SBF2: variants seen among roughly 807,000 people sequenced by gnomAD.
SBF2 encodes the protein myotubularin-related protein 13.
SBF2 carries 112 observed loss-of-function variants against 225.2 expected under a neutral mutation model. The ratio of observed to expected loss-of-function variants is 0.50; its 90% confidence interval spans 0.43 to 0.58. The LOEUF is 0.58. SBF2 is among the 20% of genes least tolerant of loss of function. The pLI, the probability that SBF2 is intolerant of heterozygous loss-of-function variation, is 0.00. For missense variants in SBF2, 1,996 were observed against 2,206.2 expected (o/e 0.90, Z 1.91); for synonymous variants, 763 against 773.3 (o/e 0.99, Z 0.22).
chr11:10,080,845 A>G (rs1453308524), intron 2 of SBF2, among the ~76,000 whole-genome samples: 1 of 152,184 alleles, frequency 6.6e-6, no homozygotes, highest in African/African-American at 2.4e-5. Flanking sequence ...ACTTTACATC[A>G]ACAGTAGTAA....
At chr11:10,159,023 C>CCAGT (rs1327716947) in intron 2 of SBF2, among the ~76,000 whole-genome samples, 3 of 151,060 alleles carry the variant, frequency 2.0e-5, no homozygotes, top group Non-Finnish European at 4.4e-5. Context: ...GTCAAGTCCA[C>CCAGT]CAGTAACATC....
At chr11:9,834,169 T>C (rs1399867861) in intron 26 of SBF2, among the ~76,000 whole-genome samples, 9 of 149,458 alleles carry the variant, frequency 6.0e-5, no homozygotes, top group Non-Finnish European at 1.2e-4. Flanking sequence ...CTTGGCTCAC[T>C]GCAACCTTCG....
intron 14 of SBF2, among the ~76,000 whole-genome samples, chr11:9,967,975 A>C (rs77832314): frequency 0.084 from 7,174 of 85,146 alleles, 241 homozygotes; most frequent in Middle Eastern, 0.14. Flanking sequence ...CTCTCTCTAT[A>C]TATATATATA....
At chr11:10,194,843 A>T (rs1957303391) in intron 1 of SBF2, among the ~76,000 whole-genome samples, 1 of 151,464 alleles carries the variant, frequency 6.6e-6, no homozygotes, top group Non-Finnish European at 1.5e-5. Flanking sequence ...TACGTATGAA[A>T]AGCTAAAAAA....
chr11:10,217,793 C>T (rs1008795027), intron 1 of SBF2, among the ~76,000 whole-genome samples: 6 of 152,044 alleles, frequency 3.9e-5, no homozygotes, highest in Non-Finnish European at 4.4e-5. Context: ...AAAACATGAC[C>T]GAGACTGGTT....
In SBF2 at chr11:9,789,325, T is replaced by C. The variant is rs1205440223; in HGVS notation, c.4716A>G (p.Val1572=). The part of the protein sequence containing the change: ...PLEIEALKPN[V]NVSSLKKWDY... ...CCCACTTCTTGAGGCTAGAGACGTT[T>C]ACATTGGGCTTTAGAGCCTGTTAAA... Residue 1572 remains valine, a synonymous_variant, in exon 35 of 40, where the codon GTA becomes GTG. Coordinates refer to ENST00000256190, the MANE Select transcript of SBF2 (RefSeq NM_030962.4). 1.2e-6 allele frequency: 2 copies of C among 1,614,028 alleles called. No individual in the cohort carries two copies. The highest frequency in any genetic ancestry group is 8.5e-7 in the Non-Finnish European group (1 of 1,179,868).
At chr11:9,845,817 A>G (rs1856505005) in intron 23 of SBF2, 77 bp from the exon 24 acceptor site, 4 of 1,348,352 alleles carry the variant, frequency 3.0e-6, no homozygotes, top group African/African-American at 2.9e-5. Flanking sequence ...ACAGAATATA[A>G]TAACACAAAA....
chr11:10,110,045 A>C (rs568699460), intron 2 of SBF2, among the ~76,000 whole-genome samples: 1 of 152,240 alleles, frequency 6.6e-6, no homozygotes, highest in South Asian at 2.1e-4. Flanking sequence ...AATTTGGATC[A>C]TCTCCATGGA....
At chr11:10,117,598 G>C (rs532400531) in intron 2 of SBF2, among the ~76,000 whole-genome samples, 25 of 152,220 alleles carry the variant, frequency 1.6e-4, no homozygotes, top group Admixed American at 2.6e-4. Context: ...TGATCAGACT[G>C]AAAGTTTATG....
At chr11:10,124,137 T>C (rs958761430) in intron 2 of SBF2, among the ~76,000 whole-genome samples, 1 of 152,244 alleles carries the variant, frequency 6.6e-6, no homozygotes. Context: ...GCAATATGTG[T>C]TTCTTCAGTG....
intron 17 of SBF2, among the ~76,000 whole-genome samples, chr11:9,879,521 G>C (rs999262115): frequency 3.3e-5 from 5 of 152,114 alleles, no homozygotes; most frequent in African/African-American, 9.7e-5. Flanking sequence ...CATCGGTTTT[G>C]CCATTTGCCA....
chr11:9,936,599 T>C (rs563045410), intron 16 of SBF2, among the ~76,000 whole-genome samples: 2 of 152,270 alleles, frequency 1.3e-5, no homozygotes, highest in African/African-American at 2.4e-5. Context: ...GTGGCACATA[T>C]ACACCATGGA....
At chr11:10,019,325 C>T (rs752662066) in intron 6 of SBF2, among the ~76,000 whole-genome samples, 2 of 152,302 alleles carry the variant, frequency 1.3e-5, no homozygotes, top group East Asian at 1.9e-4. Flanking sequence ...ACATGGTACA[C>T]GTGGTAAGCA....
At chr11:9,858,505 A>G in intron 17 of SBF2, 109 bp from the exon 18 acceptor site, 1 of 1,142,432 alleles carries the variant, frequency 8.8e-7, no homozygotes. Flanking sequence ...ATTTCTCTAA[A>G]GAATATCGTA....
chr11:10,234,625 A>G (rs1030213703), intron 1 of SBF2, among the ~76,000 whole-genome samples: 1 of 152,208 alleles, frequency 6.6e-6, no homozygotes, highest in African/African-American at 2.4e-5. Flanking sequence ...ATGTGCAGCT[A>G]TAACAGCTTT....
chr11:9,876,318 CCT>C (rs1441595420), intron 17 of SBF2, among the ~76,000 whole-genome samples: 4 of 152,172 alleles, frequency 2.6e-5, no homozygotes, highest in African/African-American at 9.7e-5. Flanking sequence ...AAATGCCCTC[CCT>C]GTTTGCTCTC....
chr11:10,252,378 G>A (rs1960440665), intron 1 of SBF2, among the ~76,000 whole-genome samples: 1 of 152,208 alleles, frequency 6.6e-6, no homozygotes, highest in South Asian at 2.1e-4. Flanking sequence ...CTGCAACCTA[G>A]CTTAATATGC....
At chr11:9,996,043 C>A (rs1453216261) in intron 9 of SBF2, among the ~76,000 whole-genome samples, 5 of 152,146 alleles carry the variant, frequency 3.3e-5, no homozygotes, top group Non-Finnish European at 1.5e-5. Flanking sequence ...TACGTATACT[C>A]AGTTTTACCA....
chr11:9,821,214 G>A (rs757997947), intron 28 of SBF2, among the ~76,000 whole-genome samples: 2 of 152,122 alleles, frequency 1.3e-5, no homozygotes, highest in African/African-American at 2.4e-5. Flanking sequence ...TCCATGCTGA[G>A]AGCCTGAAAT....
Sources: gnomAD v4.1 joint callset for allele counts (sites outside exome capture counted in the v4.1 genomes callset) on GRCh38, gnomAD v4.1.1 for gene constraint, MANE v1.5 for transcripts, NCBI Gene and HGNC (gene_info 2026-07-23, HGNC 2026-07-21) for gene names.